Variants in THAP9 observed in about 807,000 individuals in gnomAD.
THAP9 encodes THAP domain containing 9.
A neutral mutation model predicts 35.7 loss-of-function variants in THAP9; 20 were observed. That is an observed-to-expected ratio of 0.56 (90% CI 0.39 to 0.81). The LOEUF is 0.81. Among genes scored for constraint, THAP9 ranks in the 40% least tolerant of loss-of-function variants. The pLI is 0.00. For synonymous variants in THAP9, 335 were observed against 373.7 expected, an observed-to-expected ratio of 0.90 and a Z score of 1.19; for missense variants, 870 against 1,047.4, an observed-to-expected ratio of 0.83 and a Z score of 2.34.
At chr4:82,906,266 A>G in intron 2 of THAP9, 58 bp from the exon 3 acceptor site, 1 of 1,388,006 alleles carries the variant, frequency 7.2e-7, no homozygotes, top group Non-Finnish European at 9.7e-7. Flanking sequence ...GTATTTTTAC[A>G]GATACTCTTC....
chr4:82,903,136 A>C (rs890214342), intron 1 of THAP9, among the ~76,000 whole-genome samples: 1 of 152,270 alleles, frequency 6.6e-6, no homozygotes, highest in Admixed American at 6.5e-5. Context: ...AAGCATAGTT[A>C]CCTATAAGTC....
intron 1 of THAP9, among the ~76,000 whole-genome samples, chr4:82,901,485 A>G (rs972385719): frequency 6.6e-6 from 1 of 152,156 alleles, no homozygotes; most frequent in Admixed American, 6.5e-5. Context: ...GGTAAAATAG[A>G]TCCTCACAGA....
At chr4:82,904,456 C>T (rs1720560996) in intron 1 of THAP9, among the ~76,000 whole-genome samples, 1 of 152,038 alleles carries the variant, frequency 6.6e-6, no homozygotes, top group Admixed American at 6.5e-5. Flanking sequence ...TAAATTTGAG[C>T]AAATTCTATT....
intron 4 of THAP9, among the ~76,000 whole-genome samples, 167 bp downstream of exon 4, chr4:82,908,102 A>G (rs946874060): frequency 1.3e-5 from 2 of 152,286 alleles, no homozygotes; most frequent in Non-Finnish European, 2.9e-5. Flanking sequence ...GAAAAAATGG[A>G]CTAATGAAAA....
In THAP9 at chr4:82,918,402, A is replaced by G; in HGVS notation, c.2190A>G (p.Leu730=). Residue 730 remains leucine (L), a synonymous_variant, in exon 5 of 5, where the codon TTA becomes TTG. Coordinates refer to ENST00000302236, the MANE Select transcript of THAP9 (RefSeq NM_024672.6). The part of the protein sequence containing the change: ...GYVANKLSAL[L]TCEDCITALY... Reference sequence around the variant, plus strand: ...TTGCAAACAAGTTATCAGCTCTTTTAACTTGTGAGGACTGCATCACTGCAC... The same window carrying G: ...TTGCAAACAAGTTATCAGCTCTTTTGACTTGTGAGGACTGCATCACTGCAC... 2 of 1,614,176 alleles carry G rather than the reference A, an allele frequency of 1.2e-6. No homozygotes were observed. Among genetic ancestry groups the G allele is most frequent in the Non-Finnish European group, 1.7e-6 (2 of 1,179,990 alleles).
chr4:82,919,072 CAAAATCTCCTTAT>C lies in THAP9; in HGVS notation c.*150_*162del. On this transcript the variant is annotated 3_prime_UTR_variant, in exon 5 of 5. Transcript: ENST00000302236. ...TTAAAATTTCAAATTCTGCATATCA[CAAAATCTCCTTAT>C]ACTTTTGGTATGGCTTGCAGCATTT... The C allele has an allele frequency of 1.6e-6, 1 of 636,240 alleles. No individual in the cohort carries two copies. 39.4% of individuals were successfully genotyped at this position (636,240 alleles called of 1,614,324 possible). A position where few individuals can be genotyped will look rare whatever the true frequency, so the allele number is the denominator to read the frequency against.
intron 1 of THAP9, among the ~76,000 whole-genome samples, chr4:82,904,252 A>C (rs979574848): frequency 6.6e-6 from 1 of 151,858 alleles, no homozygotes; most frequent in Non-Finnish European, 1.5e-5. Context: ...TTTAGTAGAG[A>C]CGGGGTTTCA....
Position 82,918,029 on chromosome 4 carries a change from A to G in THAP9, c.1817A>G (p.Lys606Arg), listed in dbSNP as rs1364930668. The part of the protein sequence containing the change: ...VMPFPYLLTY[K>R]FSHDHLELFL... ...CCTTTTCCTTATCTTCTGACTTACA[A>G]ATTCAGTCATGATCATCTGGAATTA... Residue 606 changes from lysine (K) to arginine (R), a missense_variant, in exon 5 of 5, where the codon AAA becomes AGA. Physicochemically the swap from Lys to Arg is conservative, Grantham distance 26. Transcript: ENST00000302236. 1 of 1,614,024 alleles carries G rather than the reference A, an allele frequency of 6.2e-7. No individual in the cohort carries two copies. Among genetic ancestry groups the G allele is most frequent in the Non-Finnish European group, 8.5e-7 (1 of 1,179,990 alleles).
At chr4:82,912,257 CATAG>C (rs1371333183) in intron 4 of THAP9, among the ~76,000 whole-genome samples, 1 of 152,100 alleles carries the variant, frequency 6.6e-6, no homozygotes, top group African/African-American at 2.4e-5. Flanking sequence ...TGATCTTGGT[CATAG>C]ATAGAAAATG....
Position 82,917,880 on chromosome 4 carries a change from A to C in THAP9, c.1668A>C (p.Thr556=). 6.2e-7 allele frequency: 1 copy of C among 1,613,414 alleles called. No homozygotes were observed. The change falls in exon 5 of 5, where the codon ACA becomes ACC. Residue 556 remains threonine, a synonymous_variant. Transcript: ENST00000302236. The stretch of plus-strand genomic sequence containing the variant: ...TTGAAGCCAAGACTATTTTTGTTAC[A>C]TTATCTGACACTAGCAATAATCAAA... ...VLIEAKTIFV[T]LSDTSNNQII...
At chr4:82,907,995 T>C in intron 4 of THAP9, 60 bp downstream of exon 4, 3 of 1,502,482 alleles carry the variant, frequency 2.0e-6, no homozygotes, top group Non-Finnish European at 2.8e-6. Flanking sequence ...ATCTTGTTGA[T>C]TGCATGTTAA....
chr4:82,911,910 C>T (rs1268680586), intron 4 of THAP9, among the ~76,000 whole-genome samples: 1 of 152,166 alleles, frequency 6.6e-6, no homozygotes, highest in African/African-American at 2.4e-5. Flanking sequence ...GATGGAGAAA[C>T]AATTAGATGG....
Position 82,901,070 on chromosome 4 carries a change from G to A in THAP9, c.80+188G>A, listed in dbSNP as rs146528272. On this transcript the variant is annotated intron_variant, in intron 1 of 4. Transcript: ENST00000302236. ...GAGAATTGAGATTCTCTCTCTTCCC[G>A]CCCAGTGTTTACCTCTGAATAGCCG... 3,976 of 758,852 alleles carry A rather than the reference G, an allele frequency of 5.2e-3. 17 individuals carry two copies. The highest frequency in any genetic ancestry group is 6.7e-3 in the Non-Finnish European group (2,902 of 434,188). 47.0% of individuals were successfully genotyped at this position (758,852 alleles called of 1,614,324 possible). A position where few individuals can be genotyped will look rare whatever the true frequency, so the allele number is the denominator to read the frequency against.
At chr4:82,907,347 CAG>C (rs1021004804) in intron 3 of THAP9, among the ~76,000 whole-genome samples, 1 of 119,348 alleles carries the variant, frequency 8.4e-6, no homozygotes, top group African/African-American at 2.5e-5. Context: ...CCACCAGGAA[CAG>C]AATTTTTTTT....
chr4:82,906,103 C>G (rs1417812915), intron 2 of THAP9, among the ~76,000 whole-genome samples: 2 of 151,132 alleles, frequency 1.3e-5, no homozygotes, highest in Non-Finnish European at 1.5e-5. Flanking sequence ...ATTTCAGAAA[C>G]TTTCAACATC....
At chr4:82,901,235 C>G (rs891320004) in intron 1 of THAP9, 2 of 521,350 alleles carry the variant, frequency 3.8e-6, no homozygotes, top group African/African-American at 3.8e-5. Flanking sequence ...GTGGCGTCTT[C>G]CTGAGCACGA....
Position 82,913,754 on chromosome 4 carries a change from G to GA in THAP9, c.732-3189dup, listed in dbSNP as rs542831966. ...CTTTTTTTTTTTATTTTTTGAGACA[G>GA]AGTTTCGCTCTGTTGCCCATACTGG... On this transcript the variant is annotated intron_variant, in intron 4 of 4. Coordinates refer to ENST00000302236, the MANE Select transcript of THAP9 (RefSeq NM_024672.6). Among the ~76,000 whole-genome samples the GA allele has an allele frequency of 1.3e-4, 20 of 151,360 alleles. No homozygotes were observed. In the East Asian group the frequency reaches 3.9e-3, roughly 29 times the overall value.
At chr4:82,912,140 C>A (rs1480007592) in intron 4 of THAP9, among the ~76,000 whole-genome samples, 2 of 152,140 alleles carry the variant, frequency 1.3e-5, no homozygotes, top group African/African-American at 4.8e-5. Flanking sequence ...GTGTTTTTTA[C>A]AATTTTCAGT....
Position 82,919,942 on chromosome 4 carries a change from T to C in THAP9, c.*1018T>C, listed in dbSNP as rs751951749. ...AAAGATTAATGATAACGTAAAAGTATATTGATTAAAATTCCCCTTACAAAG... is the reference window on the plus strand; with the variant it reads ...AAAGATTAATGATAACGTAAAAGTACATTGATTAAAATTCCCCTTACAAAG... On this transcript the variant is annotated 3_prime_UTR_variant, in exon 5 of 5. Transcript: ENST00000302236. The C allele has an allele frequency of 4.7e-5, 7 of 150,454 alleles. No homozygotes were observed. Among genetic ancestry groups the C allele is most frequent in the Non-Finnish European group, 9.0e-5 (6 of 66,842 alleles). The allele number at this position is 150,454 out of a possible 1,614,324, so 9.3% of individuals were successfully genotyped here.
Sources: gnomAD v4.1 joint callset for allele counts (sites outside exome capture counted in the v4.1 genomes callset) on GRCh38, gnomAD v4.1.1 for gene constraint, MANE v1.5 for transcripts, NCBI Gene and HGNC (gene_info 2026-07-23, HGNC 2026-07-21) for gene names.